The following TSEN2 variants were observed in gnomAD, a reference collection of about 807,000 sequenced individuals.
TSEN2 encodes tRNA splicing endonuclease subunit 2.
In TSEN2, 54 loss-of-function variants were observed where a neutral mutation model predicts 59.2. The observed-to-expected ratio is 0.91, with a 90% CI of 0.73 to 1.14. The LOEUF (loss-of-function observed/expected upper bound fraction) is 1.14, where lower values mean the gene tolerates loss of function less well. TSEN2 is among the 50% of genes most tolerant of loss of function. The pLI, the probability that TSEN2 is intolerant of heterozygous loss-of-function variation, is 0.00. For missense variants in TSEN2, 636 were observed against 576.2 expected (o/e 1.10, Z -1.06); for synonymous variants, 195 against 198.2 (o/e 0.98, Z 0.14).
chr3:12,499,060 A>G (rs1437903555), intron 4 of TSEN2, among the ~76,000 whole-genome samples: 1 of 152,124 alleles, frequency 6.6e-6, no homozygotes, highest in Non-Finnish European at 1.5e-5. Flanking sequence ...GCACCTGGCC[A>G]TAATTGTTTC....
intron 6 of TSEN2, among the ~76,000 whole-genome samples, chr3:12,510,439 T>TA (rs2125096140): frequency 6.6e-6 from 1 of 152,296 alleles, no homozygotes; most frequent in South Asian, 2.1e-4. Flanking sequence ...ATAAAGCTTT[T>TA]AAAGTGCGTG....
At chr3:12,514,757 T>G (rs895122967) in intron 6 of TSEN2, 8 of 152,208 alleles carry the variant, frequency 5.3e-5, no homozygotes, top group Non-Finnish European at 1.2e-4. Flanking sequence ...CAGAGATTAG[T>G]ATGACCCCTG....
chr3:12,486,902 A>G (rs1391661349), intron 1 of TSEN2, among the ~76,000 whole-genome samples: 1 of 152,238 alleles, frequency 6.6e-6, no homozygotes, highest in East Asian at 1.9e-4. Context: ...ATTTGATTAT[A>G]TGGATAGACC....
intron 6 of TSEN2, among the ~76,000 whole-genome samples, chr3:12,514,141 G>A (rs2055799886): frequency 6.6e-6 from 1 of 152,218 alleles, no homozygotes; most frequent in South Asian, 2.1e-4. Context: ...AGATGATCAG[G>A]ATGGGGGTTA....
chr3:12,513,149 A>T (rs1575374751), intron 6 of TSEN2, among the ~76,000 whole-genome samples: 1 of 152,262 alleles, frequency 6.6e-6, no homozygotes, highest in East Asian at 1.9e-4. Context: ...TCACCATTTT[A>T]GGCCAATAAA....
chr3:12,531,627 T>C lies in TSEN2; in HGVS notation c.1306T>C (p.Ser436Pro), dbSNP rs2057464417. ...PSTMTDKEME[S>P]PECMKRIKVQ... ...TACTATGACTGACAAGGAAATGGAG[T>C]CACCAGAATGTATGAAAAGGATTAA... is the stretch of plus-strand genomic sequence containing the variant. Residue 436 changes from serine (S) to proline (P), a missense_variant, in exon 11 of 12, where the codon TCA becomes CCA. Transcript: ENST00000284995. 1 of 1,612,450 alleles carries C rather than the reference T, an allele frequency of 6.2e-7. No homozygotes were observed. Among genetic ancestry groups the C allele is most frequent in the African/African-American group, 1.3e-5 (1 of 74,874 alleles).
At chr3:12,523,526 C>CTTTTTTTTTTGTTTTTTTTTTTT (rs2056824953) in intron 8 of TSEN2, among the ~76,000 whole-genome samples, 1 of 46,480 alleles carries the variant, frequency 2.2e-5, no homozygotes, top group African/African-American at 7.9e-5. Flanking sequence ...CTCTTTGATT[C>CTTTTTTTTTTGTTTTTTTTTTTT]TTTTTTTTTT....
At chr3:12,497,307 C>A (rs559032505) in intron 4 of TSEN2, among the ~76,000 whole-genome samples, 3 of 152,296 alleles carry the variant, frequency 2.0e-5, no homozygotes, top group East Asian at 3.9e-4. Context: ...TACAGCTCTT[C>A]CATGAAACCT....
Position 12,529,772 on chromosome 3 carries a change from AT to A in TSEN2, c.1149del (p.Ile384SerfsTer3). ...TTCTGTATTTTCCAGTTATTCTGTC[AT>A]TATCGAGCTAGTTGATGACCATTTT... ...PPFYHASYSVIIELVDDHFEG... is the reference protein window; with the variant it reads ...PPFYHASYSVXIELVDDHFEG... On this transcript the variant is annotated frameshift_variant, in exon 10 of 12. Coordinates refer to ENST00000284995, the MANE Select transcript of TSEN2 (RefSeq NM_025265.4). LOFTEE classifies it high-confidence loss of function. 6.2e-7 allele frequency: 1 copy of A among 1,613,966 alleles called. No individual in the cohort carries two copies. Among genetic ancestry groups the A allele is most frequent in the Non-Finnish European group, 8.5e-7 (1 of 1,179,912 alleles).
chr3:12,496,528 A>G lies in TSEN2; in HGVS notation c.282A>G (p.Thr94=). 1 of 1,614,176 alleles carries G rather than the reference A, an allele frequency of 6.2e-7. No individual in the cohort carries two copies. Among genetic ancestry groups the G allele is most frequent in the South Asian group, 1.1e-5 (1 of 91,090 alleles). The change falls in exon 4 of 12, where the codon ACA becomes ACG. Residue 94 remains threonine (T), a synonymous_variant. Transcript: ENST00000284995. Reference sequence around the variant, plus strand: ...ACTTCTTTGTTCCAGATATGAAGACAAACATGCCTATCATCACATCAAAGA... The same window carrying G: ...ACTTCTTTGTTCCAGATATGAAGACGAACATGCCTATCATCACATCAAAGA... ...KLVAKWKDMK[T]NMPIITSKRY...
chr3:12,509,095 A>AT, intron 6 of TSEN2, among the ~76,000 whole-genome samples: 1 of 151,694 alleles, frequency 6.6e-6, no homozygotes, highest in Non-Finnish European at 1.5e-5. Flanking sequence ...GGGGGAGCAA[A>AT]TTTTTTTTTA....
upstream of TSEN2, among the ~76,000 whole-genome samples, chr3:12,481,062 G>C (rs1048576115): frequency 3.3e-5 from 5 of 152,172 alleles, no homozygotes; most frequent in African/African-American, 1.2e-4. Flanking sequence ...CACATAGTAA[G>C]TGCCCAATAA....
chr3:12,515,497 C>G (rs2055970452), intron 6 of TSEN2, among the ~76,000 whole-genome samples: 3 of 152,142 alleles, frequency 2.0e-5, no homozygotes, highest in Non-Finnish European at 4.4e-5. Context: ...AAATGTGACC[C>G]CATTTTACCA....
intron 5 of TSEN2, among the ~76,000 whole-genome samples, chr3:12,504,803 G>A (rs1336926394): frequency 6.6e-6 from 1 of 152,158 alleles, no homozygotes; most frequent in Non-Finnish European, 1.5e-5. Context: ...AGGGTTGCTT[G>A]AGGCCAGGAG....
chr3:12,507,690 C>G (rs2054989650), intron 6 of TSEN2, among the ~76,000 whole-genome samples: 1 of 152,084 alleles, frequency 6.6e-6, no homozygotes, highest in African/African-American at 2.4e-5. Flanking sequence ...TAAAGATAGC[C>G]CAGAAATCAT....
At chr3:12,510,358 C>T (rs774602981) in intron 6 of TSEN2, among the ~76,000 whole-genome samples, 2 of 152,174 alleles carry the variant, frequency 1.3e-5, no homozygotes, top group Non-Finnish European at 2.9e-5. Context: ...TGATACATGT[C>T]GATTTCTTAG....
rs1290154803 is a variant in TSEN2, at chr3:12,532,657, T to C, written c.1339-5T>C. ...AGAAATGGTCTTTTTTTTTATTGGTTGTAGGAGGTGATTCTGAGTCGATGG... is the reference window on the plus strand; with the variant it reads ...AGAAATGGTCTTTTTTTTTATTGGTCGTAGGAGGTGATTCTGAGTCGATGG... On this transcript the variant is annotated splice_polypyrimidine_tract_variant and splice_region_variant and intron_variant, in intron 11 of 11. Transcript: ENST00000284995. 6.2e-7 allele frequency: 1 copy of C among 1,614,088 alleles called. No individual in the cohort carries two copies. The highest frequency in any genetic ancestry group is 1.3e-5 in the African/African-American group (1 of 75,036).
Position 12,489,908 on chromosome 3 carries a change from A to G in TSEN2, c.108A>G (p.Glu36=), listed in dbSNP as rs77258715. 1.5e-3 allele frequency: 2,483 copies of G among 1,614,172 alleles called. 26 individuals are homozygous for G. In the African/African-American group the frequency reaches 0.029, roughly 19 times the overall value. ...GTCAGGACCATGGTCCTCTGAAAGAATTCAAGATATTCCGTGCTGAAATGA... is the reference window on the plus strand; with the variant it reads ...GTCAGGACCATGGTCCTCTGAAAGAGTTCAAGATATTCCGTGCTGAAATGA... The part of the protein sequence containing the change: ...PFGQDHGPLK[E]FKIFRAEMIN... The change falls in exon 2 of 12, where the codon GAA becomes GAG. Residue 36 remains glutamate, a synonymous_variant. Transcript: ENST00000284995.
rs1167497091 is a variant in TSEN2, at chr3:12,486,629, A to T, written c.-18+1749A>T. ...CAGTGGTCTTCGTATTCGCGGAGTT[A>T]TGTAACCATTACCATCACTACAATC... On this transcript the variant is annotated intron_variant, in intron 1 of 11. Transcript: ENST00000284995. 3.3e-5 allele frequency among the ~76,000 whole-genome samples: 5 copies of T among 152,308 alleles called. No individual in the cohort carries two copies. In the South Asian group the frequency reaches 8.3e-4, roughly 25 times the overall value.
Sources: allele counts gnomAD v4.1 joint callset (sites outside exome capture counted in the v4.1 genomes callset), GRCh38; gene constraint gnomAD v4.1.1; transcripts MANE v1.5; gene names NCBI Gene and HGNC (gene_info 2026-07-23, HGNC 2026-07-21).